NUDC: variants seen among roughly 807,000 people sequenced by gnomAD.
NUDC encodes the protein nuclear migration protein nudC.
A neutral mutation model predicts 45.0 loss-of-function variants in NUDC; 14 were observed. The ratio of observed to expected loss-of-function variants is 0.31; its 90% confidence interval spans 0.21 to 0.49. The LOEUF (loss-of-function observed/expected upper bound fraction) is 0.49. NUDC is among the 20% of genes least tolerant of loss of function. NUDC has a pLI of 0.99. For synonymous variants in NUDC, 153 were observed against 156.7 expected (o/e 0.98, Z 0.17); for missense variants, 323 against 426.2 (o/e 0.76, Z 2.13).
At chr1:26,912,498 G>T (rs1006549945) in intron 3 of NUDC, among the ~76,000 whole-genome samples, 4 of 152,050 alleles carry the variant, frequency 2.6e-5, no homozygotes, top group African/African-American at 9.7e-5. Flanking sequence ...TTAGAATAGG[G>T]CCTAACATAT....
intron 2 of NUDC, among the ~76,000 whole-genome samples, chr1:26,929,972 C>T (rs1283539552): frequency 6.6e-6 from 1 of 152,036 alleles, no homozygotes; most frequent in East Asian, 1.9e-4. Context: ...TTCAGTGAGT[C>T]GAGATCGCAC....
At position 26,921,842 on chromosome 1, in the gene NUDC, C is replaced by T. The variant is rs760742937; in HGVS notation, c.-7C>T. On this transcript the variant is annotated 5_prime_UTR_variant, in exon 1 of 9. Coordinates refer to ENST00000321265, the MANE Select transcript of NUDC (RefSeq NM_006600.4). ...AGAGCTCCGGGACGTGGATCGGAGCCGGCGCGATGGGCGGAGAGCAGGAGG... is the reference window on the plus strand; with the variant it reads ...AGAGCTCCGGGACGTGGATCGGAGCTGGCGCGATGGGCGGAGAGCAGGAGG... 43 of 1,551,426 alleles carry T rather than the reference C, an allele frequency of 2.8e-5. No individual in the cohort carries two copies. Among genetic ancestry groups the T allele is most frequent in the African/African-American group, 4.1e-5 (3 of 73,172 alleles).
intron 2 of NUDC, among the ~76,000 whole-genome samples, chr1:26,928,873 AAG>A (rs1206529734): frequency 3.2e-4 from 49 of 152,312 alleles, no homozygotes; most frequent in African/African-American, 1.1e-3. Context: ...GTTTCTCAGA[AAG>A]TTAAAGAATA....
At chr1:26,913,294 T>G (rs927603106) in intron 3 of NUDC, 1 of 979,594 alleles carries the variant, frequency 1.0e-6, no homozygotes, top group Non-Finnish European at 1.6e-6. Context: ...CTCAGAAAAA[T>G]AAAAAGAAAA....
intron 3 of NUDC, among the ~76,000 whole-genome samples, chr1:26,912,534 A>G (rs1303441317): frequency 6.6e-6 from 1 of 152,142 alleles, no homozygotes; most frequent in Non-Finnish European, 1.5e-5. Flanking sequence ...AGTATTTGCT[A>G]CTATTATTAC....
chr1:26,944,042 T>C (rs1382814972), intron 6 of NUDC, among the ~76,000 whole-genome samples: 1 of 144,794 alleles, frequency 6.9e-6, no homozygotes, highest in Non-Finnish European at 1.5e-5. Flanking sequence ...CATGCCTGTA[T>C]TTTTTTTTTT....
intron 3 of NUDC, among the ~76,000 whole-genome samples, chr1:26,912,711 A>G (rs190183214): frequency 2.0e-5 from 3 of 151,890 alleles, no homozygotes; most frequent in South Asian, 2.1e-4. Flanking sequence ...CATCTCTTCT[A>G]TGTGATCTTT....
intron 3 of NUDC, chr1:26,911,981 C>A (rs367827644): frequency 6.2e-7 from 1 of 1,614,110 alleles, no homozygotes; most frequent in Admixed American, 1.7e-5. Flanking sequence ...ACGGGTCAGG[C>A]GGCCTTGGGC....
At chr1:26,911,334 A>C in intron 3 of NUDC, 1 of 375,514 alleles carries the variant, frequency 2.7e-6, no homozygotes, top group Admixed American at 3.7e-5. Context: ...AAAGACAATG[A>C]GGTGATGGGA....
At chr1:26,913,858 C>T in intron 3 of NUDC, 1 of 1,507,142 alleles carries the variant, frequency 6.6e-7, no homozygotes, top group Non-Finnish European at 8.9e-7. Context: ...AGCCTTGAGG[C>T]TGGAGCTCAG....
intron 2 of NUDC, among the ~76,000 whole-genome samples, chr1:26,940,838 A>G (rs2082270356): frequency 6.6e-6 from 1 of 152,118 alleles, no homozygotes; most frequent in African/African-American, 2.4e-5. Context: ...GGCGCACGCC[A>G]CCGCGCCTGG....
chr1:26,913,329 A>C, intron 3 of NUDC: 4 of 1,287,630 alleles, frequency 3.1e-6, no homozygotes, highest in Middle Eastern at 3.7e-4. Context: ...GATAACAGAT[A>C]TCAAACCCTT....
chr1:26,902,865 A>G (rs557783692), intron 2 of NUDC, among the ~76,000 whole-genome samples: 5 of 152,234 alleles, frequency 3.3e-5, no homozygotes, highest in African/African-American at 7.2e-5. Context: ...CCTGGCCAAC[A>G]TGGTGAAACC....
At chr1:26,902,414 C>T (rs1275455482) in intron 2 of NUDC, 1 of 152,258 alleles carries the variant, frequency 6.6e-6, no homozygotes, top group African/African-American at 2.4e-5. Context: ...TCCTGATCAT[C>T]CCACTTCCTC....
chr1:26,943,703 T>C (rs2082296932), intron 6 of NUDC, among the ~76,000 whole-genome samples: 1 of 152,162 alleles, frequency 6.6e-6, no homozygotes. Flanking sequence ...GAACAAAACA[T>C]AGGAAAATAT....
intron 3 of NUDC, among the ~76,000 whole-genome samples, chr1:26,915,062 T>TATATATAC (rs2082055507): frequency 1.4e-5 from 2 of 148,094 alleles, no homozygotes; most frequent in African/African-American, 4.9e-5. Flanking sequence ...TACATACATA[T>TATATATAC]ATATATATAT....
intron 2 of NUDC, among the ~76,000 whole-genome samples, chr1:26,924,606 C>T (rs943909999): frequency 6.6e-6 from 1 of 152,162 alleles, no homozygotes; most frequent in Non-Finnish European, 1.5e-5. Flanking sequence ...CAAGCTGAAG[C>T]GCAGTGGCGC....
upstream of NUDC, among the ~76,000 whole-genome samples, chr1:26,920,799 G>T (rs956269932): frequency 6.6e-6 from 1 of 151,580 alleles, no homozygotes; most frequent in East Asian, 1.9e-4. Context: ...ACAGCAGGGC[G>T]TGGTGATGTG....
intron 2 of NUDC, among the ~76,000 whole-genome samples, chr1:26,932,576 G>A (rs1326651237): frequency 6.6e-6 from 1 of 151,980 alleles, no homozygotes; most frequent in Non-Finnish European, 1.5e-5. Flanking sequence ...GCCTGACTCG[G>A]CCTCCCAAAG....
Sources: gnomAD v4.1 joint callset for allele counts (sites outside exome capture counted in the v4.1 genomes callset) on GRCh38, gnomAD v4.1.1 for gene constraint, MANE v1.5 for transcripts, NCBI Gene and HGNC (gene_info 2026-07-23, HGNC 2026-07-21) for gene names.